The following YY1AP1 variants were observed in gnomAD, a reference collection of about 807,000 sequenced individuals.
YY1AP1 encodes YY1 associated protein 1.
YY1AP1 carries 43 observed loss-of-function variants against 39.9 expected under a neutral mutation model. The observed-to-expected ratio is 1.08, with a 90% CI of 0.84 to 1.39. The LOEUF (loss-of-function observed/expected upper bound fraction) is 1.39, where lower values mean the gene tolerates loss of function less well. YY1AP1 is among the 40% of genes most tolerant of loss of function. The pLI is 0.00. For synonymous variants in YY1AP1, 292 were observed against 331.3 expected, an observed-to-expected ratio of 0.88 and a Z score of 1.29; for missense variants, 813 against 900.7, an observed-to-expected ratio of 0.90 and a Z score of 1.25.
intron 4 of YY1AP1, among the ~76,000 whole-genome samples, chr1:155,677,435 T>C (rs533236005): frequency 1.3e-5 from 2 of 152,290 alleles, no homozygotes; most frequent in South Asian, 4.1e-4. Flanking sequence ...TATGTATGAT[T>C]ACTATACCTT....
rs918399127 is a variant in YY1AP1 at position 155,659,591 on chromosome 1, C to T, written c.*66G>A. The T allele has an allele frequency of 3.2e-6, 5 of 1,580,142 alleles. No homozygotes were observed. In the Admixed American group the frequency reaches 8.5e-5, roughly 27 times the overall value. On this transcript the variant is annotated 3_prime_UTR_variant, in exon 11 of 11. Coordinates refer to ENST00000355499, the MANE Select transcript of YY1AP1 (RefSeq NM_139119.3). ...CTTTAGGGGTTTCCTATTGGTTACA[C>T]CCTATGCGCCACCAATCGGAGGCCG...
chr1:155,680,701 G>C (rs1260391464), intron 2 of YY1AP1, among the ~76,000 whole-genome samples: 1 of 152,048 alleles, frequency 6.6e-6, no homozygotes, highest in Admixed American at 6.6e-5. Flanking sequence ...CAAGTAGCTG[G>C]GGCAACAGGA....
intron 5 of YY1AP1, among the ~76,000 whole-genome samples, chr1:155,675,320 T>TTTA (rs914756814): frequency 1.6e-3 from 242 of 150,468 alleles, no homozygotes; most frequent in African/African-American, 5.0e-3. Context: ...GCTAATTTAT[T>TTTA]TTATTATTAT....
Position 155,660,426 on chromosome 1 carries a change from G to A in YY1AP1, c.1484C>T (p.Pro495Leu), listed in dbSNP as rs372660268. Residue 495 changes from proline to leucine, a missense_variant, in exon 11 of 11, where the codon CCT becomes CTT. By Grantham distance (98) the Pro-to-Leu change is moderately conservative. Transcript: ENST00000355499. ...GAGCAAAGTCTGGGACTCAGACAGA[G>A]GGAAGCTTGTCCTGGCCTCAGGGGG... ...AMPPEARTSF[P>L]LSESQTLLSS... 5.8e-5 allele frequency: 94 copies of A among 1,614,170 alleles called. 1 individual carries two copies. The African/African-American group carries it at 9.6e-4, about 16-fold the overall frequency.
chr1:155,675,009 C>A lies in YY1AP1; in HGVS notation c.411+1G>T. ...AGAATTACGGCAATTTGGAAACTTACAAGACATATCCTGGTGCTACTGGCC... is the reference window on the plus strand; with the variant it reads ...AGAATTACGGCAATTTGGAAACTTAAAAGACATATCCTGGTGCTACTGGCC... On this transcript the variant is annotated splice_donor_variant, in intron 6 of 10. Transcript: ENST00000355499. LOFTEE classifies it high-confidence loss of function. 2.5e-6 allele frequency: 4 copies of A among 1,612,880 alleles called. No homozygotes were observed. Among genetic ancestry groups the A allele is most frequent in the African/African-American group, 1.3e-5 (1 of 75,002 alleles).
chr1:155,665,930 T>C (rs1235087487), intron 9 of YY1AP1, among the ~76,000 whole-genome samples: 2 of 151,408 alleles, frequency 1.3e-5, no homozygotes, highest in Non-Finnish European at 2.9e-5. Context: ...TGCAGCAACA[T>C]GGAGAGCAAC....
intron 2 of YY1AP1, among the ~76,000 whole-genome samples, chr1:155,684,259 AC>A (rs1482054059): frequency 2.0e-5 from 3 of 152,178 alleles, no homozygotes; most frequent in Admixed American, 1.3e-4. Flanking sequence ...AAAAACAAAA[AC>A]AAAAACAAAA....
chr1:155,688,401 A>G, intron 1 of YY1AP1, 200 bp from the exon 2 acceptor site: 3 of 1,542,066 alleles, frequency 1.9e-6, no homozygotes, highest in East Asian at 2.5e-5. Flanking sequence ...GACACCCCCA[A>G]CCTCCCACTC....
At chr1:155,664,905 G>A (rs994442377) in intron 9 of YY1AP1, among the ~76,000 whole-genome samples, 1 of 151,452 alleles carries the variant, frequency 6.6e-6, no homozygotes, top group African/African-American at 2.4e-5. Context: ...GAGTACCTGG[G>A]ACTACAGACG....
rs958227382 is a variant in YY1AP1, at chr1:155,679,153, C to T, written c.125+256G>A. On this transcript the variant is annotated intron_variant, in intron 4 of 10. Transcript: ENST00000355499. Reference sequence around the variant, plus strand: ...AGTCCTACATACCTCTCCAGCACCACTCACCCGGAGAAGTGGATATGGATG... The same window carrying T: ...AGTCCTACATACCTCTCCAGCACCATTCACCCGGAGAAGTGGATATGGATG... 3.5e-6 allele frequency: 5 copies of T among 1,425,308 alleles called. No homozygotes were observed. In the African/African-American group the frequency reaches 7.1e-5, roughly 20 times the overall value. The allele number at this position is 1,425,308 out of a possible 1,614,324, so 88.3% of individuals were successfully genotyped here. A position where few individuals can be genotyped will look rare whatever the true frequency, so the allele number is the denominator to read the frequency against.
rs778715969 is a variant in YY1AP1, at chr1:155,688,300, T to TC, written c.-151-100dup. ...CAACCGACACTGGGATCGTTTCCCC[T>TC]CGCAAAGCGAACCCAAAATGGCGGC... is the stretch of plus-strand genomic sequence containing the variant. On this transcript the variant is annotated intron_variant, in intron 1 of 10. Coordinates refer to ENST00000355499, the MANE Select transcript of YY1AP1 (RefSeq NM_139119.3). The TC allele has an allele frequency of 2.6e-5, 41 of 1,568,048 alleles. No homozygotes were observed. The highest frequency in any genetic ancestry group is 3.4e-5 in the Non-Finnish European group (39 of 1,156,970).
At chr1:155,681,656 G>A (rs922502352) in intron 2 of YY1AP1, among the ~76,000 whole-genome samples, 2 of 151,842 alleles carry the variant, frequency 1.3e-5, no homozygotes, top group Non-Finnish European at 2.9e-5. Flanking sequence ...CTTTGGACCC[G>A]ACCTATTCAA....
chr1:155,686,717 T>C (rs867026745), intron 2 of YY1AP1, among the ~76,000 whole-genome samples: 15 of 152,188 alleles, frequency 9.9e-5, no homozygotes, highest in African/African-American at 2.2e-4. Context: ...CATACAACCT[T>C]AAGTGTCAGA....
At chr1:155,684,487 T>C (rs1651946892) in intron 2 of YY1AP1, among the ~76,000 whole-genome samples, 1 of 151,988 alleles carries the variant, frequency 6.6e-6, no homozygotes, top group Admixed American at 6.6e-5. Flanking sequence ...GAAAGGACTA[T>C]CAGACAATTT....
intron 7 of YY1AP1, 180 bp from the exon 8 acceptor site, chr1:155,670,644 G>A (rs1571334027): frequency 1.7e-6 from 1 of 588,492 alleles, no homozygotes; most frequent in Non-Finnish European, 2.8e-6. Context: ...TAGGTCTAAA[G>A]GGAGTCCCAT....
intron 5 of YY1AP1, among the ~76,000 whole-genome samples, chr1:155,676,047 C>A (rs1375808813): frequency 6.6e-6 from 1 of 151,976 alleles, no homozygotes; most frequent in Non-Finnish European, 1.5e-5. Context: ...CACAGTGAAC[C>A]CTGTCTCTAC....
chr1:155,679,369 C>T (rs999519602), intron 4 of YY1AP1, 40 bp downstream of exon 4: 48 of 1,613,782 alleles, frequency 3.0e-5, no homozygotes, highest in Middle Eastern at 1.6e-4. Context: ...GAAATAAACT[C>T]TTCCTCTATT....
intron 9 of YY1AP1, among the ~76,000 whole-genome samples, chr1:155,667,649 C>T (rs1649212869): frequency 6.6e-6 from 1 of 152,064 alleles, no homozygotes; most frequent in East Asian, 1.9e-4. Context: ...CATGGTGAAA[C>T]CCCGACTCTA....
rs1213437733 is a variant in YY1AP1, at chr1:155,668,658, T to C, written c.848A>G (p.Asn283Ser). 6.2e-7 allele frequency: 1 copy of C among 1,614,208 alleles called. No individual in the cohort carries two copies. The highest frequency in any genetic ancestry group is 1.1e-5 in the South Asian group (1 of 91,086). The change falls in exon 9 of 11, where the codon AAC (asparagine) becomes AGC (serine). Residue 283 changes from asparagine (N) to serine (S), a missense_variant. Physicochemically the swap from Asn to Ser is conservative, Grantham distance 46. Around this residue, in one of 3 missense-constraint regions of YY1AP1, gnomAD observed 586 missense variants for 647.4 expected, o/e 0.91. Coordinates refer to ENST00000355499, the MANE Select transcript of YY1AP1 (RefSeq NM_139119.3). Reference protein sequence around the residue: ...RQLTVRIKNLNMNRAPDNIIK... With the variant: ...RQLTVRIKNLSMNRAPDNIIK... ...GATGTTGTCAGGAGCTCTGTTCATGTTGAGGTTCTTGATTCTCACTGTCAG... is the reference window on the plus strand; with the variant it reads ...GATGTTGTCAGGAGCTCTGTTCATGCTGAGGTTCTTGATTCTCACTGTCAG...
Sources: gnomAD v4.1 joint callset for allele counts (sites outside exome capture counted in the v4.1 genomes callset) on GRCh38, gnomAD v4.1.1 for gene constraint, gnomAD v4.1.1 regional missense constraint, MANE v1.5 for transcripts, NCBI Gene and HGNC (gene_info 2026-07-23, HGNC 2026-07-21) for gene names.